The following SGCZ variants were observed in gnomAD, a reference collection of about 807,000 sequenced individuals.
SGCZ encodes the protein sarcoglycan zeta.
A neutral mutation model predicts 41.3 loss-of-function variants in SGCZ; 40 were observed. That is an observed-to-expected ratio of 0.97 (90% CI 0.75 to 1.26). The LOEUF is 1.26. SGCZ is among the 50% of genes most tolerant of loss of function. The pLI, the probability that SGCZ is intolerant of heterozygous loss-of-function variation, is 0.00. For missense variants in SGCZ, 552 were observed against 369.8 expected, an observed-to-expected ratio of 1.49 and a Z score of -4.04; for synonymous variants, 206 against 137.5, an observed-to-expected ratio of 1.50 and a Z score of -3.49.
chr8:15,192,333 A>G (rs779733695), intron 1 of SGCZ, among the ~76,000 whole-genome samples: 24 of 152,102 alleles, frequency 1.6e-4, no homozygotes, highest in Non-Finnish European at 2.9e-4. Context: ...AATTTTAAGT[A>G]CGCATACAAA....
chr8:14,309,055 T>A, intron 3 of SGCZ: 4 of 1,371,834 alleles, frequency 2.9e-6, no homozygotes, highest in Non-Finnish European at 4.1e-6. Flanking sequence ...CTACTCTTAA[T>A]TCCCCAACTA....
At chr8:14,369,928 T>G (rs1803851101) in intron 2 of SGCZ, among the ~76,000 whole-genome samples, 1 of 152,046 alleles carries the variant, frequency 6.6e-6, no homozygotes, top group South Asian at 2.1e-4. Flanking sequence ...TTCTACAGGC[T>G]AATGACGTCT....
chr8:14,829,662 G>C (rs913492546), intron 1 of SGCZ, among the ~76,000 whole-genome samples: 1 of 150,760 alleles, frequency 6.6e-6, no homozygotes, highest in Non-Finnish European at 1.5e-5. Context: ...ATATACATTA[G>C]TCCGTTTCTT....
intron 7 of SGCZ, among the ~76,000 whole-genome samples, chr8:14,096,126 T>C (rs1044271316): frequency 2.6e-5 from 4 of 152,102 alleles, no homozygotes; most frequent in Non-Finnish European, 5.9e-5. Context: ...CCTAGCCAGA[T>C]CTTCCAATAC....
In SGCZ at chr8:14,090,519, T is replaced by A; in HGVS notation, c.863A>T (p.Asn288Ile). The change falls in exon 8 of 8, where the codon AAT becomes ATT. Residue 288 changes from asparagine to isoleucine, a missense_variant. Coordinates refer to ENST00000382080, the MANE Select transcript of SGCZ (RefSeq NM_139167.4). ...TGCTGGAGAAAGGTAAAGTTTGCCATTGGGGCAGACGCAGAGTTCATACAC... is the reference window on the plus strand; with the variant it reads ...TGCTGGAGAAAGGTAAAGTTTGCCAATGGGGCAGACGCAGAGTTCATACAC... ...QTVYELCVCP[N>I]GKLYLSPAGV... 3 of 1,613,064 alleles carry A rather than the reference T, an allele frequency of 1.9e-6. No individual in the cohort carries two copies. The highest frequency in any genetic ancestry group is 2.5e-6 in the Non-Finnish European group (3 of 1,179,408).
At chr8:14,698,706 G>A (rs1809041581) in intron 1 of SGCZ, among the ~76,000 whole-genome samples, 1 of 151,888 alleles carries the variant, frequency 6.6e-6, no homozygotes, top group Non-Finnish European at 1.5e-5. Flanking sequence ...GAAGCCCACA[G>A]CTTTAAATCA....
chr8:14,372,463 A>C (rs1227573764), intron 2 of SGCZ, among the ~76,000 whole-genome samples: 2 of 152,140 alleles, frequency 1.3e-5, no homozygotes, highest in African/African-American at 4.8e-5. Context: ...GCTTCACAGA[A>C]CTTACATTTT....
Position 14,110,565 on chromosome 8 carries a change from G to A in SGCZ, c.548-2330C>T, listed in dbSNP as rs571086632. 8.5e-5 allele frequency among the ~76,000 whole-genome samples: 13 copies of A among 152,166 alleles called. No homozygotes were observed. The East Asian group carries it at 1.2e-3, about 14-fold the overall frequency. ...TATGTAATCATACCACGTAAAGGGC[G>A]AAATTTTAAACTAAATAATACGAGT... On this transcript the variant is annotated intron_variant, in intron 5 of 7. Coordinates refer to ENST00000382080, the MANE Select transcript of SGCZ (RefSeq NM_139167.4).
At chr8:14,551,622 AAT>A (rs1803869020) in intron 2 of SGCZ, among the ~76,000 whole-genome samples, 2 of 68,452 alleles carry the variant, frequency 2.9e-5, no homozygotes, top group East Asian at 3.4e-4. Context: ...ATATACATAA[AAT>A]ATATATATTA....
In SGCZ at chr8:14,255,275, T is replaced by A. The variant is rs73519433; in HGVS notation, c.337-17596A>T. Among the ~76,000 whole-genome samples the A allele has an allele frequency of 6.3e-3, 953 of 152,286 alleles. 9 individuals are homozygous for A. The highest frequency in any genetic ancestry group is 0.022 in the African/African-American group (914 of 41,558). ...ACCATATAGATAATTTCCTGATACT[T>A]TGAACTCTTAGGTTGTTGATCTATC... On this transcript the variant is annotated intron_variant, in intron 3 of 7. Coordinates refer to ENST00000382080, the MANE Select transcript of SGCZ (RefSeq NM_139167.4).
chr8:14,170,794 G>T (rs554454649), intron 4 of SGCZ, among the ~76,000 whole-genome samples: 1 of 151,584 alleles, frequency 6.6e-6, no homozygotes, highest in East Asian at 1.9e-4. Flanking sequence ...TTTTTGACTC[G>T]TTAAGAAAAA....
At chr8:14,847,182 A>AGAAGAAGAAGAAGAAGAAGAG (rs1413121920) in intron 1 of SGCZ, among the ~76,000 whole-genome samples, 11 of 147,196 alleles carry the variant, frequency 7.5e-5, no homozygotes, top group Admixed American at 2.0e-4. Flanking sequence ...AAGAAGAAGA[A>AGAAGAAGAAGAAGAAGAAGAG]GAAGAGAAAA....
chr8:14,973,307 G>C (rs73519036), intron 1 of SGCZ, among the ~76,000 whole-genome samples: 5,036 of 152,160 alleles, frequency 0.033, 190 homozygotes, highest in East Asian at 0.17. Flanking sequence ...AGCTTAAGTT[G>C]TAGGCACTGT....
intron 2 of SGCZ, among the ~76,000 whole-genome samples, chr8:14,327,455 C>T (rs755065062): frequency 3.3e-5 from 5 of 152,110 alleles, no homozygotes; most frequent in East Asian, 3.9e-4. Context: ...TTCTGAAGTG[C>T]GCTCCTTGGA....
At chr8:14,839,166 T>C (rs1361496182) in intron 1 of SGCZ, among the ~76,000 whole-genome samples, 1 of 152,106 alleles carries the variant, frequency 6.6e-6, no homozygotes, top group Non-Finnish European at 1.5e-5. Context: ...TAGTATGATA[T>C]TGATAGTGAA....
intron 1 of SGCZ, among the ~76,000 whole-genome samples, chr8:15,102,379 T>G (rs891726556): frequency 6.6e-6 from 1 of 152,042 alleles, no homozygotes; most frequent in Non-Finnish European, 1.5e-5. Flanking sequence ...GAAGGAGATA[T>G]AAATAGATAG....
At chr8:15,194,264 A>C (rs2117117706) in intron 1 of SGCZ, among the ~76,000 whole-genome samples, 1 of 151,696 alleles carries the variant, frequency 6.6e-6, no homozygotes, top group African/African-American at 2.4e-5. Context: ...ATGGAGACTG[A>C]AGTCAGCCCT....
At chr8:14,235,046 C>T (rs1468750551) in intron 4 of SGCZ, among the ~76,000 whole-genome samples, 1 of 152,112 alleles carries the variant, frequency 6.6e-6, no homozygotes, top group Non-Finnish European at 1.5e-5. Flanking sequence ...TATACAATTC[C>T]CTACCGTTTG....
At chr8:14,115,699 G>C (rs1802501895) in intron 5 of SGCZ, among the ~76,000 whole-genome samples, 1 of 149,374 alleles carries the variant, frequency 6.7e-6, no homozygotes, top group Non-Finnish European at 1.5e-5. Context: ...CCCTTTCCTT[G>C]ATAACCTCTA....
Sources: gnomAD v4.1 joint callset for allele counts (sites outside exome capture counted in the v4.1 genomes callset) on GRCh38, gnomAD v4.1.1 for gene constraint, MANE v1.5 for transcripts, NCBI Gene and HGNC (gene_info 2026-07-23, HGNC 2026-07-21) for gene names.